ADAMTS20: variants seen among roughly 807,000 people sequenced by gnomAD.
ADAMTS20 encodes ADAM metallopeptidase with thrombospondin type 1 motif 20.
ADAMTS20 carries 225 observed loss-of-function variants against 260.1 expected under a neutral mutation model. That is an observed-to-expected ratio of 0.87 (90% confidence interval 0.78 to 0.97). ADAMTS20 has a LOEUF of 0.97. Ranked by LOEUF, ADAMTS20 falls within the 50% of genes least tolerant of loss-of-function variation. The pLI is 0.00. For synonymous variants in ADAMTS20, 802 were observed against 769.5 expected, an observed-to-expected ratio of 1.04 and a Z score of -0.70; for missense variants, 2,400 against 2,337.7, an observed-to-expected ratio of 1.03 and a Z score of -0.55.
intron 36 of ADAMTS20, among the ~76,000 whole-genome samples, chr12:43,373,497 C>T (rs531572860): frequency 3.9e-5 from 6 of 151,950 alleles, no homozygotes; most frequent in Admixed American, 2.0e-4. Flanking sequence ...CTAAGAATAG[C>T]TTATGAGCTA....
At chr12:43,415,347 T>C (rs1278867998) in intron 28 of ADAMTS20, among the ~76,000 whole-genome samples, 1 of 151,916 alleles carries the variant, frequency 6.6e-6, no homozygotes, top group East Asian at 1.9e-4. Context: ...CTTATTTCCA[T>C]AAAAGTTTGC....
intron 29 of ADAMTS20, among the ~76,000 whole-genome samples, chr12:43,386,083 G>A (rs931973382): frequency 6.6e-6 from 1 of 151,880 alleles, no homozygotes; most frequent in African/African-American, 2.4e-5. Context: ...TACCTATTTT[G>A]TTAATCTTTT....
At chr12:43,368,518 A>G (rs555404409) in intron 37 of ADAMTS20, among the ~76,000 whole-genome samples, 1 of 152,252 alleles carries the variant, frequency 6.6e-6, no homozygotes, top group East Asian at 1.9e-4. Context: ...AATGAAAATT[A>G]TAAATGGAAT....
chr12:43,475,843 T>C (rs1005295901), intron 7 of ADAMTS20, among the ~76,000 whole-genome samples: 2 of 140,188 alleles, frequency 1.4e-5, no homozygotes, highest in African/African-American at 5.4e-5. Context: ...AAAAATCAAT[T>C]TAAGATGGAT....
At chr12:43,521,090 C>T (rs1020084682) in intron 3 of ADAMTS20, among the ~76,000 whole-genome samples, 1 of 152,156 alleles carries the variant, frequency 6.6e-6, no homozygotes, top group African/African-American at 2.4e-5. Context: ...ATGCCTGATC[C>T]CTTTAGCTGT....
chr12:43,440,197 A>C (rs1055980515), intron 16 of ADAMTS20, 128 bp from the exon 17 acceptor site: 163 of 682,122 alleles, frequency 2.4e-4, no homozygotes, highest in Non-Finnish European at 3.2e-4. Context: ...AGGCTGGAGT[A>C]CAGTGGCACA....
At chr12:43,405,438 A>ATAATAATAATAATAATAATAG (rs1940900566) in intron 28 of ADAMTS20, among the ~76,000 whole-genome samples, 1 of 118,450 alleles carries the variant, frequency 8.4e-6, no homozygotes, top group Non-Finnish European at 1.8e-5. Flanking sequence ...AATAATAATA[A>ATAATAATAATAATAATAATAG]TAATAATAAT....
At chr12:43,538,678 A>G (rs1943330738) in intron 2 of ADAMTS20, among the ~76,000 whole-genome samples, 1 of 152,208 alleles carries the variant, frequency 6.6e-6, no homozygotes, top group Non-Finnish European at 1.5e-5. Context: ...TCACTATTTT[A>G]ACCGAACATT....
At position 43,439,650 on chromosome 12, in the gene ADAMTS20, T is replaced by G. The variant is rs1297848166; in HGVS notation, c.2565A>C (p.Pro855=). The change falls in exon 18 of 39, where the codon CCA becomes CCC. Residue 855 remains proline, a synonymous_variant. Transcript: ENST00000389420. The part of the protein sequence containing the change: ...SDMFTWDPYG[P]WEGCTKMCQG... ...GACACATTTTGGTACAGCCTTCCCATGGTCCATAGGGGTCCCATGTGAACA... is the reference window on the plus strand; with the variant it reads ...GACACATTTTGGTACAGCCTTCCCAGGGTCCATAGGGGTCCCATGTGAACA... 1 of 1,611,020 alleles carries G rather than the reference T, an allele frequency of 6.2e-7. No homozygotes were observed. The highest frequency in any genetic ancestry group is 8.5e-7 in the Non-Finnish European group (1 of 1,179,126).
chr12:43,449,583 T>A (rs1187795641), intron 14 of ADAMTS20, among the ~76,000 whole-genome samples: 2 of 152,026 alleles, frequency 1.3e-5, no homozygotes, highest in African/African-American at 4.8e-5. Flanking sequence ...CAAAACCCTG[T>A]TACACGAGTT....
At chr12:43,491,258 C>A (rs1942595869) in intron 6 of ADAMTS20, among the ~76,000 whole-genome samples, 1 of 151,990 alleles carries the variant, frequency 6.6e-6, no homozygotes, top group Non-Finnish European at 1.5e-5. Context: ...GGTTTGTAGC[C>A]TAGGGCCAGT....
chr12:43,446,481 A>C, intron 15 of ADAMTS20, 114 bp downstream of exon 15: 1 of 707,040 alleles, frequency 1.4e-6, no homozygotes, highest in Non-Finnish European at 2.3e-6. Flanking sequence ...ATCATTTTGG[A>C]CTAAGGGTAT....
intron 3 of ADAMTS20, among the ~76,000 whole-genome samples, chr12:43,506,001 G>A (rs1207623416): frequency 2.0e-5 from 3 of 152,212 alleles, no homozygotes; most frequent in Non-Finnish European, 2.9e-5. Flanking sequence ...GCATGCACCT[G>A]TAGTTCCAGC....
intron 32 of ADAMTS20, 145 bp downstream of exon 32, chr12:43,377,220 T>C: frequency 1.7e-6 from 1 of 590,454 alleles, no homozygotes; most frequent in Non-Finnish European, 2.8e-6. Context: ...AAAATATTTA[T>C]ATAAATAACT....
At chr12:43,455,394 T>C (rs1312494528) in intron 11 of ADAMTS20, among the ~76,000 whole-genome samples, 2 of 152,172 alleles carry the variant, frequency 1.3e-5, no homozygotes, top group South Asian at 4.1e-4. Flanking sequence ...TGATGAGGCC[T>C]TTCTCTTCTT....
At chr12:43,379,940 A>G (rs1291141539) in intron 31 of ADAMTS20, among the ~76,000 whole-genome samples, 1 of 152,108 alleles carries the variant, frequency 6.6e-6, no homozygotes, top group African/African-American at 2.4e-5. Flanking sequence ...AGCACTGCCT[A>G]ACTCATCCTA....
At chr12:43,442,456 C>A (rs940091821) in intron 16 of ADAMTS20, among the ~76,000 whole-genome samples, 1 of 151,900 alleles carries the variant, frequency 6.6e-6, no homozygotes, top group African/African-American at 2.4e-5. Flanking sequence ...CGGGGTTTTG[C>A]CATGTTGGTC....
At chr12:43,354,773 G>A (rs984538742) in intron 38 of ADAMTS20, among the ~76,000 whole-genome samples, 20 of 152,234 alleles carry the variant, frequency 1.3e-4, no homozygotes, top group South Asian at 6.2e-4. Flanking sequence ...CAAGCATCTC[G>A]TGGAGGCGTT....
intron 36 of ADAMTS20, among the ~76,000 whole-genome samples, chr12:43,371,306 C>T (rs916097685): frequency 6.6e-6 from 1 of 152,150 alleles, no homozygotes; most frequent in Non-Finnish European, 1.5e-5. Context: ...TCCTATAAAC[C>T]TCTTGAGAAA....
Sources: allele counts gnomAD v4.1 joint callset (sites outside exome capture counted in the v4.1 genomes callset), GRCh38; gene constraint gnomAD v4.1.1; transcripts MANE v1.5; gene names NCBI Gene and HGNC (gene_info 2026-07-23, HGNC 2026-07-21).